The following ADD3 variants were observed in gnomAD, a reference collection of about 807,000 sequenced individuals.
ADD3 encodes adducin 3, also known as gamma-adducin.
In ADD3, 25 loss-of-function variants were observed where a neutral mutation model predicts 80.2. That is an observed-to-expected ratio of 0.31 (90% CI 0.23 to 0.44). The LOEUF is 0.44. Among genes scored for constraint, ADD3 ranks in the 20% least tolerant of loss-of-function variants. The pLI is 1.00. For missense variants in ADD3, 829 were observed against 847.5 expected (o/e 0.98, Z 0.27); for synonymous variants, 284 against 289.6 (o/e 0.98, Z 0.20).
At chr10:110,106,745 T>A (rs1849437159) in intron 2 of ADD3, among the ~76,000 whole-genome samples, 1 of 152,158 alleles carries the variant, frequency 6.6e-6, no homozygotes. Context: ...TTTGGACCTA[T>A]GTTTGAAGAG....
chr10:110,058,085 A>C (rs1858425685), intron 1 of ADD3, among the ~76,000 whole-genome samples: 1 of 146,866 alleles, frequency 6.8e-6, no homozygotes, highest in South Asian at 2.2e-4. Context: ...TGATTTAGTT[A>C]TTTTCTCCTT....
In ADD3 at chr10:110,118,737, G is replaced by GT. The variant is rs1851093315; in HGVS notation, c.717+2dup. The GT allele has an allele frequency of 6.2e-7, 1 of 1,613,256 alleles. No homozygotes were observed. The highest frequency in any genetic ancestry group is 8.5e-7 in the Non-Finnish European group (1 of 1,179,510). ...CATCCATACCCTTGCAACAGCAGCT[G>GT]TAAGTCAATGAAAGTCCAAAACTGA... On this transcript the variant is annotated splice_donor_variant, in intron 6 of 14. Coordinates refer to ENST00000356080, the MANE Select transcript of ADD3 (RefSeq NM_016824.5). LOFTEE classifies it high-confidence loss of function.
chr10:110,083,540 G>A (rs1236031261), intron 1 of ADD3, among the ~76,000 whole-genome samples: 1 of 151,860 alleles, frequency 6.6e-6, no homozygotes, highest in African/African-American at 2.4e-5. Flanking sequence ...AATAGAAGAA[G>A]AAGTATGGTG....
At chr10:110,036,657 C>G (rs1016710265) in intron 1 of ADD3, among the ~76,000 whole-genome samples, 1 of 152,030 alleles carries the variant, frequency 6.6e-6, no homozygotes, top group East Asian at 1.9e-4. Flanking sequence ...CAGGCGTGAG[C>G]CACCACGCCC....
At chr10:110,068,908 C>G (rs369529478) in intron 1 of ADD3, among the ~76,000 whole-genome samples, 2 of 152,074 alleles carry the variant, frequency 1.3e-5, no homozygotes, top group East Asian at 3.9e-4. Context: ...GAGACCTCGT[C>G]TCTGCAAAAA....
chr10:110,117,234 T>A lies in ADD3; in HGVS notation c.487-108T>A, dbSNP rs183230720. ...CTTTAATTTTTGCTTTGTTGGTTTTTTTTTTCCTGATCTCTTACAATTATT... is the reference window on the plus strand; with the variant it reads ...CTTTAATTTTTGCTTTGTTGGTTTTATTTTTCCTGATCTCTTACAATTATT... On this transcript the variant is annotated intron_variant, in intron 4 of 14. Coordinates refer to ENST00000356080, the MANE Select transcript of ADD3 (RefSeq NM_016824.5). The A allele has an allele frequency of 7.6e-5, 45 of 590,990 alleles. No individual in the cohort carries two copies. The African/African-American group carries it at 8.6e-4, about 11-fold the overall frequency. The allele number at this position is 590,990 out of a possible 1,614,324, so 36.6% of individuals were successfully genotyped here.
chr10:110,011,827 A>G (rs1852368978), intron 1 of ADD3, among the ~76,000 whole-genome samples: 1 of 152,248 alleles, frequency 6.6e-6, no homozygotes, highest in Non-Finnish European at 1.5e-5. Context: ...CTCCGGGTCC[A>G]TGCCAGAGTG....
At chr10:110,031,808 A>G (rs1855059681) in intron 1 of ADD3, among the ~76,000 whole-genome samples, 1 of 152,022 alleles carries the variant, frequency 6.6e-6, no homozygotes, top group Non-Finnish European at 1.5e-5. Context: ...TATCTAAAAC[A>G]TGATTTGGAA....
At chr10:110,100,339 G>A in intron 1 of ADD3, among the ~76,000 whole-genome samples, 1 of 116,702 alleles carries the variant, frequency 8.6e-6, no homozygotes, top group African/African-American at 3.9e-5. Context: ...GACACAGTGA[G>A]ACTCCATCTC....
chr10:110,067,171 C>A (rs1844056872), intron 1 of ADD3, among the ~76,000 whole-genome samples: 1 of 152,130 alleles, frequency 6.6e-6, no homozygotes, highest in Admixed American at 6.5e-5. Flanking sequence ...ATTAATAAAT[C>A]ATCTATAAAA....
At chr10:110,061,054 T>C (rs1278045092) in intron 1 of ADD3, among the ~76,000 whole-genome samples, 1 of 152,204 alleles carries the variant, frequency 6.6e-6, no homozygotes, top group African/African-American at 2.4e-5. Flanking sequence ...CTGAGCTTTG[T>C]GCTATGACTA....
At chr10:110,033,306 G>A (rs941849190) in intron 1 of ADD3, among the ~76,000 whole-genome samples, 5 of 152,188 alleles carry the variant, frequency 3.3e-5, no homozygotes, top group African/African-American at 1.2e-4. Flanking sequence ...GATGCCAACA[G>A]ACTAATAGCA....
intron 1 of ADD3, among the ~76,000 whole-genome samples, chr10:110,073,298 A>C (rs894318564): frequency 2.4e-4 from 36 of 150,850 alleles, no homozygotes; most frequent in East Asian, 1.9e-4. Flanking sequence ...GCCCACCACC[A>C]CTCCCAGCTA....
chr10:110,006,338 G>A (rs991639014), upstream of ADD3, among the ~76,000 whole-genome samples: 17 of 152,040 alleles, frequency 1.1e-4, no homozygotes, highest in Admixed American at 1.3e-4. Context: ...GTGCCCTTAG[G>A]ATACTTTTTT....
chr10:110,093,598 A>C (rs1205005851), intron 1 of ADD3, among the ~76,000 whole-genome samples: 2 of 152,186 alleles, frequency 1.3e-5, no homozygotes, highest in Non-Finnish European at 2.9e-5. Flanking sequence ...TCTCCTTTTC[A>C]GATGGACTTG....
intron 1 of ADD3, among the ~76,000 whole-genome samples, chr10:110,055,186 A>C (rs1264053923): frequency 6.6e-6 from 1 of 152,206 alleles, no homozygotes. Flanking sequence ...ATAAAAACAT[A>C]TGGGCAGGTG....
chr10:110,056,419 C>G (rs1229849310), intron 1 of ADD3, among the ~76,000 whole-genome samples: 1 of 152,150 alleles, frequency 6.6e-6, no homozygotes, highest in Non-Finnish European at 1.5e-5. Context: ...CTAGCAAAGA[C>G]TAAGACAATT....
At chr10:110,012,115 A>G (rs1217426896) in intron 1 of ADD3, among the ~76,000 whole-genome samples, 1 of 152,206 alleles carries the variant, frequency 6.6e-6, no homozygotes, top group Non-Finnish European at 1.5e-5. Context: ...AAACCATGCT[A>G]CTTGAGGGAT....
chr10:110,052,219 C>T (rs1857596301), intron 1 of ADD3, among the ~76,000 whole-genome samples: 1 of 152,124 alleles, frequency 6.6e-6, no homozygotes, highest in Non-Finnish European at 1.5e-5. Context: ...CCTCTGTCTA[C>T]CTGGAAAGTA....
Sources: gnomAD v4.1 joint callset for allele counts (sites outside exome capture counted in the v4.1 genomes callset) on GRCh38, gnomAD v4.1.1 for gene constraint, MANE v1.5 for transcripts, NCBI Gene and HGNC (gene_info 2026-07-23, HGNC 2026-07-21) for gene names.